MTFR2: variants seen among roughly 807,000 people sequenced by gnomAD.
The protein encoded by MTFR2 is mitochondrial fission regulator 2.
In MTFR2, 44 loss-of-function variants were observed where a neutral mutation model predicts 41.2. The ratio of observed to expected loss-of-function variants is 1.07; its 90% CI spans 0.84 to 1.37. MTFR2 has a LOEUF of 1.37. MTFR2 is among the 40% of genes most tolerant of loss of function. The pLI is 0.00. For missense variants in MTFR2, 452 were observed against 459.5 expected, an observed-to-expected ratio of 0.98 and a Z score of 0.15; for synonymous variants, 141 against 154.6, an observed-to-expected ratio of 0.91 and a Z score of 0.65.
intron 7 of MTFR2, among the ~76,000 whole-genome samples, chr6:136,231,603 A>AG (rs957874057): frequency 1.5e-4 from 22 of 149,094 alleles, no homozygotes; most frequent in Admixed American, 2.0e-4. Flanking sequence ...GCACAGACTG[A>AG]GCTCTTAGGC....
At chr6:136,249,647 C>T (rs952720123) in intron 1 of MTFR2, among the ~76,000 whole-genome samples, 4 of 152,146 alleles carry the variant, frequency 2.6e-5, no homozygotes, top group African/African-American at 9.7e-5. Context: ...GGCAGCTTCC[C>T]CCATACTATG....
chr6:136,245,005 A>T, intron 2 of MTFR2, 136 bp from the exon 3 acceptor site: 1 of 584,874 alleles, frequency 1.7e-6, no homozygotes, highest in Non-Finnish European at 2.9e-6. Flanking sequence ...CCTGTAAAAT[A>T]ACATTTATTT....
At chr6:136,235,941 AG>A (rs1158060793) in intron 6 of MTFR2, among the ~76,000 whole-genome samples, 3 of 152,148 alleles carry the variant, frequency 2.0e-5, no homozygotes, top group African/African-American at 4.8e-5. Context: ...AAAAAAAAAA[AG>A]AAAGTGCTCC....
At chr6:136,249,225 G>A (rs535712111) in intron 1 of MTFR2, 72 bp from the exon 2 acceptor site, 1 of 634,162 alleles carries the variant, frequency 1.6e-6, no homozygotes, top group African/African-American at 1.9e-5. Context: ...ACCTGGAAAA[G>A]TCCTCTTGAT....
At chr6:136,240,194 G>A (rs1780018596) in intron 5 of MTFR2, among the ~76,000 whole-genome samples, 1 of 152,164 alleles carries the variant, frequency 6.6e-6, no homozygotes, top group Non-Finnish European at 1.5e-5. Context: ...TGTATTCACT[G>A]TATAATGACA....
chr6:136,242,562 A>G (rs1780108665), intron 4 of MTFR2, among the ~76,000 whole-genome samples: 1 of 152,214 alleles, frequency 6.6e-6, no homozygotes, highest in Non-Finnish European at 1.5e-5. Flanking sequence ...AAATACATTT[A>G]ACATCATTGC....
intron 2 of MTFR2, chr6:136,247,501 T>C (rs1780241404): frequency 2.2e-6 from 1 of 456,162 alleles, no homozygotes; most frequent in African/African-American, 2.0e-5. Flanking sequence ...ATGTGGATCT[T>C]AAATTTCTTC....
chr6:136,231,448 G>C (rs1223572160), intron 7 of MTFR2, 60 bp from the exon 8 acceptor site: 1 of 1,082,884 alleles, frequency 9.2e-7, no homozygotes, highest in African/African-American at 1.6e-5. Context: ...AAAAAAGAAT[G>C]GCAAGACAAA....
At chr6:136,247,589 T>A in intron 2 of MTFR2, 1 of 454,778 alleles carries the variant, frequency 2.2e-6, no homozygotes, top group Non-Finnish European at 4.4e-6. Flanking sequence ...AATTCCATCC[T>A]GCGGCCCCTT....
rs565912508 is a variant in MTFR2, at chr6:136,239,766, C to G, written c.569G>C (p.Arg190Pro). 2 of 1,613,882 alleles carry G rather than the reference C, an allele frequency of 1.2e-6. No individual in the cohort carries two copies. Among genetic ancestry groups the G allele is most frequent in the Non-Finnish European group, 1.7e-6 (2 of 1,179,942 alleles). ...TGGGTCCACACTCAGATGGGCAGCC[C>G]GCGATGATGACAGCTGACCCAAACT... Reference protein sequence around the residue: ...RISLGQLSSSRAAHLSVDPDQ... With the variant: ...RISLGQLSSSPAAHLSVDPDQ... Residue 190 changes from arginine (R) to proline (P), a missense_variant, in exon 6 of 8, where the codon CGG (arginine) becomes CCG (proline). Physicochemically the swap from Arg to Pro is moderately radical, Grantham distance 103. Coordinates refer to ENST00000420702, the MANE Select transcript of MTFR2 (RefSeq NM_001099286.3).
chr6:136,238,755 A>G (rs1003648444), intron 6 of MTFR2, among the ~76,000 whole-genome samples: 2 of 151,926 alleles, frequency 1.3e-5, no homozygotes, highest in African/African-American at 4.8e-5. Context: ...TTATTCAACA[A>G]ATAAAATGTA....
chr6:136,240,188 T>C (rs1285475678), intron 5 of MTFR2, among the ~76,000 whole-genome samples: 3 of 152,220 alleles, frequency 2.0e-5, no homozygotes, highest in Non-Finnish European at 4.4e-5. Context: ...AATTGATGTA[T>C]TCACTGTATA....
intron 4 of MTFR2, among the ~76,000 whole-genome samples, chr6:136,242,393 T>C (rs185625436): frequency 5.5e-4 from 84 of 152,304 alleles, no homozygotes; most frequent in African/African-American, 2.0e-3. Context: ...TAGGGTGAAA[T>C]GTATGTTATT....
chr6:136,242,966 G>A lies in MTFR2; in HGVS notation c.176C>T (p.Pro59Leu), dbSNP rs570529220. 2.5e-5 allele frequency: 40 copies of A among 1,595,062 alleles called. No homozygotes were observed. Among genetic ancestry groups the A allele is most frequent in the African/African-American group, 6.8e-5 (5 of 73,532 alleles). The change falls in exon 4 of 8, where the codon CCG becomes CTG. Residue 59 changes from proline to leucine, a missense_variant. Physicochemically the swap from Pro to Leu is moderately conservative, Grantham distance 98. Coordinates refer to ENST00000420702, the MANE Select transcript of MTFR2 (RefSeq NM_001099286.3). ...PCRRPNFELI[P>L]LLNSVDSDNC... ...ATCAGAGTCTACAGAGTTCAAGAGC[G>A]GGATCAACTAAAGTAAAAAAAGAAA...
intron 6 of MTFR2, among the ~76,000 whole-genome samples, chr6:136,238,707 C>CACACAA (rs1363598390): frequency 1.1e-3 from 165 of 150,742 alleles, no homozygotes; most frequent in African/African-American, 3.9e-3. Flanking sequence ...CACACACACA[C>CACACAA]ATGGAACTCA....
At chr6:136,241,353 CTATATTCAGTACAG>C in intron 5 of MTFR2, 77 bp downstream of exon 5, 2 of 960,206 alleles carry the variant, frequency 2.1e-6, no homozygotes, top group Non-Finnish European at 3.1e-6. Flanking sequence ...ACTATACGTA[CTATATTCAGTACAG>C]TATCATGCTG....
intron 7 of MTFR2, among the ~76,000 whole-genome samples, chr6:136,232,024 C>T (rs1287229951): frequency 6.6e-6 from 1 of 152,126 alleles, no homozygotes; most frequent in Admixed American, 6.6e-5. Flanking sequence ...TTGCAAGTTA[C>T]AAACTGCTCT....
chr6:136,239,678 T>G lies in MTFR2; in HGVS notation c.657A>C (p.Ser219=). Residue 219 remains serine (S), a synonymous_variant, in exon 6 of 8, where the codon TCA becomes TCC. Coordinates refer to ENST00000420702, the MANE Select transcript of MTFR2 (RefSeq NM_001099286.3). ...GAGGAAAACACGGTGGCTGGAGAGA[T>G]GAAAACTGAGGAGGAAGTGGTGGAG... ...PPPPPLPPQF[S]SLQPPCFPPV... 4 of 1,613,812 alleles carry G rather than the reference T, an allele frequency of 2.5e-6. No homozygotes were observed. The highest frequency in any genetic ancestry group is 2.7e-5 in the African/African-American group (2 of 74,920).
intron 6 of MTFR2, among the ~76,000 whole-genome samples, chr6:136,236,565 C>T (rs889149796): frequency 3.9e-5 from 6 of 152,100 alleles, no homozygotes; most frequent in Non-Finnish European, 5.9e-5. Flanking sequence ...ATACTAAGCC[C>T]GACAACACAA....
Sources: gnomAD v4.1 joint callset for allele counts (sites outside exome capture counted in the v4.1 genomes callset) on GRCh38, gnomAD v4.1.1 for gene constraint, MANE v1.5 for transcripts, NCBI Gene and HGNC (gene_info 2026-07-23, HGNC 2026-07-21) for gene names.